Variants in KCMF1 observed in about 807,000 individuals in gnomAD.
KCMF1 encodes the protein E3 ubiquitin-protein ligase KCMF1.
Under a neutral mutation model 41.1 loss-of-function variants are expected in KCMF1, and 3 were observed. That is an observed-to-expected ratio of 0.07 (90% CI 0.03 to 0.19). The LOEUF (loss-of-function observed/expected upper bound fraction) is 0.19. KCMF1 is among the 10% of genes least tolerant of loss of function. The pLI is 1.00. For synonymous variants in KCMF1, 142 were observed against 164.5 expected, an observed-to-expected ratio of 0.86 and a Z score of 1.04; for missense variants, 286 against 488.9, an observed-to-expected ratio of 0.58 and a Z score of 3.91.
chr2:85,058,598 A>G lies in KCMF1; in HGVS notation c.*5189A>G, dbSNP rs1052709034. On this transcript the variant is annotated 3_prime_UTR_variant, in exon 7 of 7. Coordinates refer to ENST00000409785, the MANE Select transcript of KCMF1 (RefSeq NM_020122.5). ...CCATCAGTTCGCTGCTCTCTCATTC[A>G]TACATACTTTTTGAGTTCCCAGTAG... The G allele has an allele frequency of 6.6e-6, 1 of 152,192 alleles. No individual in the cohort carries two copies. The highest frequency in any genetic ancestry group is 1.5e-5 in the Non-Finnish European group (1 of 68,034). The allele number at this position is 152,192 out of a possible 1,614,324, so 9.4% of individuals were successfully genotyped here.
intron 1 of KCMF1, among the ~76,000 whole-genome samples, chr2:84,977,514 A>G (rs1400607980): frequency 6.6e-6 from 1 of 152,010 alleles, no homozygotes; most frequent in Non-Finnish European, 1.5e-5. Context: ...TTGACCTCGC[A>G]GGCTCAAAGA....
rs142434441 is a variant in KCMF1 at position 84,995,827 on chromosome 2, TTAAG to T, written c.16+24364_16+24367del. 5.1e-4 allele frequency among the ~76,000 whole-genome samples: 78 copies of T among 152,300 alleles called. 1 individual carries two copies. Among genetic ancestry groups the T allele is most frequent in the African/African-American group, 1.8e-3 (76 of 41,558 alleles). ...TAAAAAGAACTCTTATTCACATACTTTAAGTAAAATGCTCAAATGTAAAGGAAAA... is the reference window on the plus strand; with the variant it reads ...TAAAAAGAACTCTTATTCACATACTTTAAAATGCTCAAATGTAAAGGAAAA... On this transcript the variant is annotated intron_variant, in intron 1 of 6. Coordinates refer to ENST00000409785, the MANE Select transcript of KCMF1 (RefSeq NM_020122.5).
chr2:85,054,045 TGTTA>T lies in KCMF1; in HGVS notation c.*639_*642del, dbSNP rs1022178074. On this transcript the variant is annotated 3_prime_UTR_variant, in exon 7 of 7. Transcript: ENST00000409785. ...GCCCTGTGTGACTGTCCTGTCGCCC[TGTTA>T]GTCATCTTGCCTGTGTGGAGCTCAG... 1.3e-5 allele frequency: 2 copies of T among 152,406 alleles called. No homozygotes were observed. Among genetic ancestry groups the T allele is most frequent in the Non-Finnish European group, 2.9e-5 (2 of 68,164 alleles). The allele number at this position is 152,406 out of a possible 1,614,324, so 9.4% of individuals were successfully genotyped here. A position where few individuals can be genotyped will look rare whatever the true frequency, so the allele number is the denominator to read the frequency against.
chr2:85,052,471 T>G (rs2104069920), intron 6 of KCMF1, among the ~76,000 whole-genome samples: 1 of 152,286 alleles, frequency 6.6e-6, no homozygotes, highest in African/African-American at 2.4e-5. Flanking sequence ...ATGTTATATT[T>G]CATCAAGAAA....
chr2:85,022,954 C>A (rs979111645), intron 1 of KCMF1, among the ~76,000 whole-genome samples: 1 of 132,518 alleles, frequency 7.5e-6, no homozygotes, highest in African/African-American at 2.9e-5. Context: ...GGTGGCTGAT[C>A]TCAGCTCACT....
At chr2:85,033,321 C>T (rs968987336) in intron 2 of KCMF1, among the ~76,000 whole-genome samples, 2 of 152,070 alleles carry the variant, frequency 1.3e-5, no homozygotes, top group South Asian at 2.1e-4. Flanking sequence ...TTTTTAGTGG[C>T]GTAACACACT....
At chr2:85,051,834 A>G (rs1167433675) in intron 6 of KCMF1, among the ~76,000 whole-genome samples, 1 of 152,236 alleles carries the variant, frequency 6.6e-6, no homozygotes, top group African/African-American at 2.4e-5. Flanking sequence ...ATATATTAAC[A>G]TGCATTGTGA....
chr2:84,972,062 G>T (rs1673412091), intron 1 of KCMF1: 1 of 152,176 alleles, frequency 6.6e-6, no homozygotes, highest in African/African-American at 2.4e-5. Flanking sequence ...CGGCCTCGCG[G>T]CTAGGCCTCG....
chr2:85,056,346 C>G lies in KCMF1; in HGVS notation c.*2937C>G, dbSNP rs1472727588. The G allele has an allele frequency of 6.6e-6, 1 of 152,098 alleles. No individual in the cohort carries two copies. The highest frequency in any genetic ancestry group is 6.5e-5 in the Admixed American group (1 of 15,268). The allele number at this position is 152,098 out of a possible 1,614,324, so 9.4% of individuals were successfully genotyped here. A position where few individuals can be genotyped will look rare whatever the true frequency, so the allele number is the denominator to read the frequency against. The stretch of plus-strand genomic sequence containing the variant: ...CAATATTAGAAATTTCAATAATATG[C>G]TGACAGATTTTCAAAGGTCACCAAG... On this transcript the variant is annotated 3_prime_UTR_variant, in exon 7 of 7. Coordinates refer to ENST00000409785, the MANE Select transcript of KCMF1 (RefSeq NM_020122.5).
At chr2:85,018,837 C>G (rs1266364133) in intron 1 of KCMF1, among the ~76,000 whole-genome samples, 1 of 125,480 alleles carries the variant, frequency 8.0e-6, no homozygotes, top group Non-Finnish European at 1.6e-5. Flanking sequence ...CAGAGTCTCG[C>G]TCTGTCGCCC....
rs1436826127 is a variant in KCMF1, at chr2:85,058,462, T to C, written c.*5053T>C. 1.3e-5 allele frequency: 2 copies of C among 152,226 alleles called. No individual in the cohort carries two copies. Among genetic ancestry groups the C allele is most frequent in the Non-Finnish European group, 2.9e-5 (2 of 68,056 alleles). The allele number at this position is 152,226 out of a possible 1,614,324, so 9.4% of individuals were successfully genotyped here. A position where few individuals can be genotyped will look rare whatever the true frequency, so the allele number is the denominator to read the frequency against. The stretch of plus-strand genomic sequence containing the variant: ...TGCTTTCCACAGGCCTGGATAATGA[T>C]GTTTCTCTTCAAGGAGGCCTTTACT... On this transcript the variant is annotated 3_prime_UTR_variant, in exon 7 of 7. Coordinates refer to ENST00000409785, the MANE Select transcript of KCMF1 (RefSeq NM_020122.5).
At chr2:85,021,104 C>T (rs1367171136) in intron 1 of KCMF1, among the ~76,000 whole-genome samples, 1 of 152,132 alleles carries the variant, frequency 6.6e-6, no homozygotes, top group Non-Finnish European at 1.5e-5. Flanking sequence ...TTGTTTTGTT[C>T]ATTGCTGTAT....
chr2:84,978,431 T>C (rs1395916661), intron 1 of KCMF1, among the ~76,000 whole-genome samples: 1 of 152,098 alleles, frequency 6.6e-6, no homozygotes, highest in Non-Finnish European at 1.5e-5. Context: ...TCATAACTTA[T>C]TTTCAAAACA....
intron 1 of KCMF1, among the ~76,000 whole-genome samples, chr2:85,011,472 T>C (rs928951718): frequency 1.3e-5 from 2 of 152,194 alleles, no homozygotes; most frequent in Admixed American, 6.5e-5. Flanking sequence ...ATGGCTATTA[T>C]TGGACAGTAC....
At chr2:85,030,950 A>G (rs1372717655) in intron 2 of KCMF1, among the ~76,000 whole-genome samples, 1 of 152,132 alleles carries the variant, frequency 6.6e-6, no homozygotes, top group Non-Finnish European at 1.5e-5. Flanking sequence ...TGCCTGCCTC[A>G]GCCTCCCAAA....
At chr2:85,014,057 A>C (rs557092124) in intron 1 of KCMF1, 1 of 152,270 alleles carries the variant, frequency 6.6e-6, no homozygotes, top group East Asian at 1.9e-4. Context: ...ATTGCCTGTA[A>C]GTTGTGCCTG....
chr2:84,992,814 G>A (rs1218515107), intron 1 of KCMF1, among the ~76,000 whole-genome samples: 1 of 151,916 alleles, frequency 6.6e-6, no homozygotes, highest in East Asian at 1.9e-4. Context: ...TAGAGACGGG[G>A]TTTCACCGTG....
chr2:84,998,450 T>C (rs576852439), intron 1 of KCMF1, among the ~76,000 whole-genome samples: 37 of 152,286 alleles, frequency 2.4e-4, no homozygotes, highest in African/African-American at 8.4e-4. Flanking sequence ...ACAAACACTT[T>C]ATAAAATAAT....
At chr2:85,052,387 C>T (rs1212035789) in intron 6 of KCMF1, among the ~76,000 whole-genome samples, 1 of 152,206 alleles carries the variant, frequency 6.6e-6, no homozygotes, top group African/African-American at 2.4e-5. Context: ...AATCTTTTGA[C>T]AGTGGGACCA....
Sources: gnomAD v4.1 joint callset for allele counts (sites outside exome capture counted in the v4.1 genomes callset) on GRCh38, gnomAD v4.1.1 for gene constraint, MANE v1.5 for transcripts, NCBI Gene and HGNC (gene_info 2026-07-23, HGNC 2026-07-21) for gene names.